PTER: variants seen among roughly 807,000 people sequenced by gnomAD.
The protein encoded by PTER is N-acetyltaurine hydrolase.
Under a neutral mutation model 29.6 loss-of-function variants are expected in PTER, and 38 were observed. The ratio of observed to expected loss-of-function variants is 1.28; its 90% CI spans 0.99 to 1.68. PTER has a LOEUF of 1.68. Ranked by LOEUF, PTER falls within the 40% of genes most tolerant of loss-of-function variation. The probability of loss-of-function intolerance (pLI) is 0.00; values close to 1 mark genes in which losing one functional copy is unlikely to be tolerated. For missense variants in PTER, 482 were observed against 427.8 expected, an observed-to-expected ratio of 1.13 and a Z score of -1.12; for synonymous variants, 172 against 154.5, an observed-to-expected ratio of 1.11 and a Z score of -0.84.
At chr10:16,509,305 C>G (rs1836720814) in intron 4 of PTER, among the ~76,000 whole-genome samples, 1 of 151,720 alleles carries the variant, frequency 6.6e-6, no homozygotes, top group Admixed American at 6.6e-5. Context: ...TAAGTAGTCT[C>G]CAGATTCTTG....
At chr10:16,439,125 TAGTC>T (rs148377949) in intron 1 of PTER, among the ~76,000 whole-genome samples, 5,609 of 152,058 alleles carry the variant, frequency 0.037, 165 homozygotes, top group African/African-American at 0.08. Flanking sequence ...AATTACAAGG[TAGTC>T]AGGAAGGGTC....
intron 3 of PTER, among the ~76,000 whole-genome samples, chr10:16,502,866 G>T (rs1230246403): frequency 1.3e-5 from 2 of 151,408 alleles, no homozygotes; most frequent in Non-Finnish European, 2.9e-5. Flanking sequence ...GCACACACCT[G>T]TAGTCCCAGC....
chr10:16,508,277 C>G (rs1836666689), intron 4 of PTER, among the ~76,000 whole-genome samples: 1 of 151,960 alleles, frequency 6.6e-6, no homozygotes, highest in Non-Finnish European at 1.5e-5. Context: ...ACCGTGTTAG[C>G]CAGGATGGTC....
Position 16,486,499 on chromosome 10 carries a change from C to T in PTER, c.580C>T (p.Leu194Phe). 1 of 1,614,044 alleles carries T rather than the reference C, an allele frequency of 6.2e-7. No homozygotes were observed. ...GGCCACAGCTCATGCCCAGGCTCAG[C>T]TTGGTTGTCCTGTTATTATCCATCC... ...LQATAHAQAQLGCPVIIHPGR... is the reference protein window; with the variant it reads ...LQATAHAQAQFGCPVIIHPGR... The change falls in exon 3 of 5, where the codon CTT becomes TTT. Residue 194 changes from leucine to phenylalanine, a missense_variant. Coordinates refer to ENST00000535784, the MANE Select transcript of PTER (RefSeq NM_001261836.2).
At chr10:16,503,965 G>A (rs1836463670) in intron 3 of PTER, among the ~76,000 whole-genome samples, 1 of 152,166 alleles carries the variant, frequency 6.6e-6, no homozygotes, top group Admixed American at 6.5e-5. Flanking sequence ...GATCCGAAAC[G>A]ATCCCTTACA....
intron 1 of PTER, among the ~76,000 whole-genome samples, chr10:16,453,104 T>TG (rs1194648921): frequency 1.3e-5 from 2 of 152,004 alleles, no homozygotes; most frequent in African/African-American, 2.4e-5. Context: ...GTTGTCCAGG[T>TG]GGGGTCTCAC....
chr10:16,460,508 T>C (rs1326649044), intron 1 of PTER, among the ~76,000 whole-genome samples: 25 of 152,200 alleles, frequency 1.6e-4, no homozygotes, highest in Admixed American at 1.6e-3. Flanking sequence ...TTAATTGAAA[T>C]GCAAATATTT....
At chr10:16,505,306 G>A in intron 4 of PTER, 146 bp downstream of exon 4, 1 of 1,067,258 alleles carries the variant, frequency 9.4e-7, no homozygotes. Context: ...TGCTGTTTCA[G>A]GGAGAAAAAT....
chr10:16,502,074 G>A (rs901018633), intron 3 of PTER, among the ~76,000 whole-genome samples: 2 of 152,168 alleles, frequency 1.3e-5, no homozygotes, highest in African/African-American at 2.4e-5. Context: ...TATATGCCTC[G>A]ATATAGCACT....
At chr10:16,464,292 T>C (rs1002942897) in intron 1 of PTER, among the ~76,000 whole-genome samples, 6 of 152,240 alleles carry the variant, frequency 3.9e-5, no homozygotes, top group Non-Finnish European at 8.8e-5. Context: ...ACTTTCTAAT[T>C]GTTCTCAGCA....
intron 1 of PTER, among the ~76,000 whole-genome samples, chr10:16,478,957 C>T (rs1344077514): frequency 6.6e-6 from 1 of 152,184 alleles, no homozygotes; most frequent in Admixed American, 6.5e-5. Context: ...AGACCTTTCC[C>T]AGGCTGACCT....
At chr10:16,463,881 A>G (rs774878869) in intron 1 of PTER, among the ~76,000 whole-genome samples, 13 of 152,188 alleles carry the variant, frequency 8.5e-5, no homozygotes, top group Non-Finnish European at 1.8e-4. Flanking sequence ...TGAAAGTGGA[A>G]TACAGCTCAT....
chr10:16,502,073 C>G (rs1039437730), intron 3 of PTER, among the ~76,000 whole-genome samples: 1 of 152,136 alleles, frequency 6.6e-6, no homozygotes, highest in Non-Finnish European at 1.5e-5. Flanking sequence ...GTATATGCCT[C>G]GATATAGCAC....
intron 1 of PTER, among the ~76,000 whole-genome samples, chr10:16,476,763 A>G (rs144116049): frequency 2.0e-5 from 3 of 151,246 alleles, no homozygotes; most frequent in African/African-American, 2.4e-5. Context: ...AGGTGTTGCT[A>G]TGTTTCCCAG....
At chr10:16,492,708 T>A (rs2133469507) in intron 3 of PTER, among the ~76,000 whole-genome samples, 1 of 152,356 alleles carries the variant, frequency 6.6e-6, no homozygotes, top group African/African-American at 2.4e-5. Flanking sequence ...TACTTGGTTA[T>A]CTATTCAACA....
chr10:16,510,054 A>G (rs1450488980), intron 4 of PTER, among the ~76,000 whole-genome samples: 1 of 152,148 alleles, frequency 6.6e-6, no homozygotes, highest in African/African-American at 2.4e-5. Flanking sequence ...CTCTGGAGGA[A>G]GGCACTGTCC....
intron 3 of PTER, among the ~76,000 whole-genome samples, chr10:16,497,383 GT>G (rs34220470): frequency 0.53 from 80,568 of 151,720 alleles, 21,898 homozygotes; most frequent in East Asian, 0.83. Flanking sequence ...GTACTTCAAT[GT>G]TTTTTAGCAC....
At chr10:16,461,751 T>G (rs928417293) in intron 1 of PTER, among the ~76,000 whole-genome samples, 1 of 152,212 alleles carries the variant, frequency 6.6e-6, no homozygotes, top group Admixed American at 6.5e-5. Flanking sequence ...AACAAAATTT[T>G]GATTTTGTCT....
chr10:16,492,262 T>C lies in PTER; in HGVS notation c.698+5645T>C, dbSNP rs80340341. Among the ~76,000 whole-genome samples the C allele has an allele frequency of 5.8e-3, 891 of 152,322 alleles. 4 individuals carry two copies. Among genetic ancestry groups the C allele is most frequent in the Middle Eastern group, 0.044 (13 of 294 alleles). ...ATTGCAGGGGGCTGCCCTTGATAGT[T>C]ACAGCCACCCAAAGTCAACATTTAT... On this transcript the variant is annotated intron_variant, in intron 3 of 4. Coordinates refer to ENST00000535784, the MANE Select transcript of PTER (RefSeq NM_001261836.2).
Sources: allele counts gnomAD v4.1 joint callset (sites outside exome capture counted in the v4.1 genomes callset), GRCh38; gene constraint gnomAD v4.1.1; transcripts MANE v1.5; gene names NCBI Gene and HGNC (gene_info 2026-07-23, HGNC 2026-07-21).